Variants in QTMAN observed in about 807,000 individuals in gnomAD.
QTMAN encodes the protein queuosine-tRNA mannosyltransferase, also known as tRNA-queuosine alpha-mannosyltransferase.
At chr2:144,313,754 TAATC>T in the QTMAN span, among the ~76,000 whole-genome samples, 10 of 151,670 alleles carry the variant, frequency 6.6e-5, no homozygotes, top group South Asian at 2.1e-4. Context: ...CATATATACT[TAATC>T]AATCTTATTA....
At chr2:144,005,549 T>C in the QTMAN span, among the ~76,000 whole-genome samples, 1 of 152,128 alleles carries the variant, frequency 6.6e-6, no homozygotes, top group South Asian at 2.1e-4. Context: ...TCTACTATAT[T>C]ACCCGTAAGG....
At chr2:144,227,385 A>G in the QTMAN span, among the ~76,000 whole-genome samples, 1 of 152,136 alleles carries the variant, frequency 6.6e-6, no homozygotes, top group Non-Finnish European at 1.5e-5. Context: ...CTTTTTTTCA[A>G]AACAACTTGG....
chr2:144,018,587 C>T, the QTMAN span, among the ~76,000 whole-genome samples: 2 of 152,114 alleles, frequency 1.3e-5, no homozygotes, highest in African/African-American at 4.8e-5. Flanking sequence ...AAAAATAAAA[C>T]AGATGGATAA....
chr2:144,330,900 G>A, the QTMAN span, among the ~76,000 whole-genome samples: 304 of 152,238 alleles, frequency 2.0e-3, no homozygotes, highest in African/African-American at 6.9e-3. Flanking sequence ...CTTAAACATC[G>A]AAAATTCTGT....
At chr2:144,130,045 C>T in the QTMAN span, among the ~76,000 whole-genome samples, 1 of 146,180 alleles carries the variant, frequency 6.8e-6, no homozygotes, top group East Asian at 2.0e-4. Flanking sequence ...TCAATATCTT[C>T]AAAGTTAATT....
At chr2:144,048,478 G>A in the QTMAN span, among the ~76,000 whole-genome samples, 1 of 152,136 alleles carries the variant, frequency 6.6e-6, no homozygotes, top group African/African-American at 2.4e-5. Flanking sequence ...GAGAGTGGTG[G>A]GGCTGTGTGG....
At chr2:144,318,198 C>T in the QTMAN span, among the ~76,000 whole-genome samples, 1 of 139,200 alleles carries the variant, frequency 7.2e-6, no homozygotes, top group Non-Finnish European at 1.6e-5. Flanking sequence ...TAAATAAACA[C>T]ACACACACAC....
the QTMAN span, among the ~76,000 whole-genome samples, chr2:144,030,952 A>G: frequency 5.3e-5 from 8 of 152,204 alleles, no homozygotes; most frequent in African/African-American, 1.9e-4. Flanking sequence ...TTGTCTTCCT[A>G]CAGCATGAAT....
the QTMAN span, among the ~76,000 whole-genome samples, chr2:144,244,594 T>C: frequency 3.9e-5 from 6 of 152,336 alleles, no homozygotes; most frequent in African/African-American, 1.2e-4. Flanking sequence ...TAAACTAGGA[T>C]ACTAATATTG....
chr2:144,198,127 T>C, the QTMAN span, among the ~76,000 whole-genome samples: 4 of 152,098 alleles, frequency 2.6e-5, no homozygotes, highest in South Asian at 8.3e-4. Flanking sequence ...TACGGGAGGC[T>C]GAGGTGGGAG....
chr2:144,196,245 ACG>A, the QTMAN span, among the ~76,000 whole-genome samples: 1,337 of 145,990 alleles, frequency 9.2e-3, 11 homozygotes, highest in Non-Finnish European at 0.012. Context: ...ACACACACAC[ACG>A]AAATATATAT....
chr2:144,169,620 T>C, the QTMAN span, among the ~76,000 whole-genome samples: 1 of 152,180 alleles, frequency 6.6e-6, no homozygotes, highest in Non-Finnish European at 1.5e-5. Flanking sequence ...AAAATATCTG[T>C]GTTCTTATAC....
the QTMAN span, among the ~76,000 whole-genome samples, chr2:143,990,773 C>A: frequency 2.6e-5 from 4 of 151,952 alleles, no homozygotes; most frequent in Non-Finnish European, 5.9e-5. Flanking sequence ...AAATAAAGTC[C>A]CATAAGCAAA....
the QTMAN span, among the ~76,000 whole-genome samples, chr2:144,066,161 T>C: frequency 6.6e-6 from 1 of 152,144 alleles, no homozygotes; most frequent in Admixed American, 6.5e-5. Context: ...CCTTTTCTTT[T>C]TTTTTCTTTT....
At chr2:144,241,333 A>G in the QTMAN span, among the ~76,000 whole-genome samples, 5 of 152,176 alleles carry the variant, frequency 3.3e-5, no homozygotes, top group Non-Finnish European at 5.9e-5. Context: ...TCCACAATTT[A>G]CTAGCTATAT....
At chr2:144,283,050 T>A in the QTMAN span, among the ~76,000 whole-genome samples, 1 of 152,220 alleles carries the variant, frequency 6.6e-6, no homozygotes, top group East Asian at 1.9e-4. Context: ...TCTCTTCATC[T>A]GGCTGATCTG....
At chr2:143,981,361 A>G in the QTMAN span, among the ~76,000 whole-genome samples, 1 of 152,202 alleles carries the variant, frequency 6.6e-6, no homozygotes, top group East Asian at 1.9e-4. Flanking sequence ...TAAATGGAGA[A>G]TTAAACATGG....
chr2:144,233,083 C>T, the QTMAN span, among the ~76,000 whole-genome samples: 16 of 152,088 alleles, frequency 1.1e-4, no homozygotes, highest in African/African-American at 3.4e-4. Flanking sequence ...TGAACTGACC[C>T]TGAATTTTAG....
chr2:144,057,495 T>C, the QTMAN span, among the ~76,000 whole-genome samples: 3 of 152,296 alleles, frequency 2.0e-5, no homozygotes, highest in East Asian at 5.8e-4. Flanking sequence ...CAAAAAATCA[T>C]GATGATCCTG....
Sources: gnomAD v4.1 joint callset for allele counts (sites outside exome capture counted in the v4.1 genomes callset) on GRCh38, gnomAD v4.1.1 for gene constraint, MANE v1.5 for transcripts, NCBI Gene and HGNC (gene_info 2026-07-23, HGNC 2026-07-21) for gene names.